Variants in PRRT1B observed in about 807,000 individuals in gnomAD.
The protein encoded by PRRT1B is dispanin subfamily D member 2.
intron 1 of PRRT1B, among the ~76,000 whole-genome samples, 191 bp downstream of exon 1, chr9:131,545,831 G>A (rs1950970700): frequency 6.6e-6 from 1 of 151,996 alleles, no homozygotes; most frequent in Non-Finnish European, 1.5e-5. Flanking sequence ...GGAGGGGCAG[G>A]TGCTGGTGGG....
chr9:131,557,846 G>A (rs1405637961), intron 3 of PRRT1B, among the ~76,000 whole-genome samples: 1 of 152,276 alleles, frequency 6.6e-6, no homozygotes, highest in African/African-American at 2.4e-5. Flanking sequence ...AACTGTCAGT[G>A]CTGAGCGTGA....
chr9:131,556,679 T>C (rs1180165567), intron 3 of PRRT1B, among the ~76,000 whole-genome samples: 1 of 151,720 alleles, frequency 6.6e-6, no homozygotes, highest in Non-Finnish European at 1.5e-5. Context: ...GTTGCCAGGC[T>C]GGAGTGCAAT....
At chr9:131,552,731 G>A (rs962412273) in intron 1 of PRRT1B, among the ~76,000 whole-genome samples, 1 of 151,794 alleles carries the variant, frequency 6.6e-6, no homozygotes, top group African/African-American at 2.4e-5. Flanking sequence ...GTAGTGCAGC[G>A]GTGTGATCTC....
At chr9:131,556,998 C>T (rs1216679914) in intron 3 of PRRT1B, among the ~76,000 whole-genome samples, 2 of 151,952 alleles carry the variant, frequency 1.3e-5, no homozygotes, top group Non-Finnish European at 2.9e-5. Flanking sequence ...CATCCATCTA[C>T]TATCCATCTA....
chr9:131,557,726 T>C (rs1268291439), intron 3 of PRRT1B, among the ~76,000 whole-genome samples: 1 of 152,340 alleles, frequency 6.6e-6, no homozygotes, highest in African/African-American at 2.4e-5. Flanking sequence ...ACCATTAGTG[T>C]TGTGACCCTG....
At chr9:131,554,586 G>A in exon 2 of PRRT1B, 1 of 392,462 alleles carries the variant, frequency 2.5e-6, no homozygotes, top group Non-Finnish European at 4.5e-6. Context: ...CGGCAGCCCC[G>A]CCACCCCCGA....
rs1053066694 is a variant in PRRT1B, at chr9:131,551,678, T to C, written c.26-2879T>C. Among the ~76,000 whole-genome samples, 2 of 152,088 alleles carry C rather than the reference T, an allele frequency of 1.3e-5. No homozygotes were observed. Among genetic ancestry groups the C allele is most frequent in the Non-Finnish European group, 2.9e-5 (2 of 68,020 alleles). ...CCTGCCTTAACTGATGACATTACCT[T>C]GTGAAATTCCTTCTCCTGGCTCATC... On this transcript the variant is annotated intron_variant, in intron 1 of 3. Transcript: ENST00000636672. This position sits in a 1 kb window ranked among gnomAD's most constrained non-coding sequence, Gnocchi z 4.4.
chr9:131,555,012 G>GCCTTCC (rs1413871364), exon 2 of PRRT1B: 11 of 392,680 alleles, frequency 2.8e-5, no homozygotes, highest in Middle Eastern at 6.3e-4. Context: ...CGCCGGGGCC[G>GCCTTCC]CCTTCCCCTT....
chr9:131,550,417 G>T (rs62580644), intron 1 of PRRT1B, among the ~76,000 whole-genome samples: 2 of 151,984 alleles, frequency 1.3e-5, no homozygotes, highest in Non-Finnish European at 2.9e-5. Flanking sequence ...AGCAAATTAC[G>T]TGCGCTGTAC....
At chr9:131,556,163 C>T (rs1951048192) in exon 3 of PRRT1B, 2 of 401,026 alleles carry the variant, frequency 5.0e-6, no homozygotes, top group African/African-American at 2.1e-5. Context: ...GCTGGTGACC[C>T]TCTTCTGCTG....
chr9:131,555,221 G>A (rs1951041155), intron 2 of PRRT1B, among the ~76,000 whole-genome samples, 192 bp downstream of exon 2: 1 of 152,006 alleles, frequency 6.6e-6, no homozygotes, highest in Admixed American at 6.6e-5. Context: ...AACGACGGGC[G>A]CCCTGGACAG....
At chr9:131,557,304 C>T (rs1440717280) in intron 3 of PRRT1B, among the ~76,000 whole-genome samples, 6 of 152,186 alleles carry the variant, frequency 3.9e-5, no homozygotes, top group African/African-American at 1.4e-4. Context: ...TTTGGGAGGC[C>T]AAGGTGGGTG....
chr9:131,550,172 C>T (rs114915471), intron 1 of PRRT1B, among the ~76,000 whole-genome samples: 9,959 of 152,188 alleles, frequency 0.065, 947 homozygotes, highest in African/African-American at 0.21. Flanking sequence ...TTTACCTGTC[C>T]GAAAACCAGG....
intron 2 of PRRT1B, among the ~76,000 whole-genome samples, chr9:131,555,787 G>A (rs1951045137): frequency 2.0e-5 from 3 of 152,204 alleles, no homozygotes; most frequent in Admixed American, 6.5e-5. Flanking sequence ...CAGTGAGGAC[G>A]ATAGAGATAT....
chr9:131,547,065 CTTTTT>C (rs549825970), intron 1 of PRRT1B, among the ~76,000 whole-genome samples: 62 of 100,762 alleles, frequency 6.2e-4, no homozygotes, highest in Middle Eastern at 7.1e-3. Context: ...CTCCTGTTCG[CTTTTT>C]TTTTTTTTTT....
At chr9:131,546,078 G>C (rs1159047260) in intron 1 of PRRT1B, among the ~76,000 whole-genome samples, 1 of 152,152 alleles carries the variant, frequency 6.6e-6, no homozygotes, top group East Asian at 1.9e-4. Flanking sequence ...GCCAGGGAGG[G>C]GGCAGCGGCG....
chr9:131,548,211 C>T (rs1232042250), intron 1 of PRRT1B, among the ~76,000 whole-genome samples: 2 of 151,902 alleles, frequency 1.3e-5, no homozygotes, highest in Non-Finnish European at 2.9e-5. Flanking sequence ...GACAAGCATC[C>T]CCCACCCCTT....
At position 131,551,687 on chromosome 9, in the gene PRRT1B, C is replaced by T. The variant is rs1951013342; in HGVS notation, c.26-2870C>T. ...ACTGATGACATTACCTTGTGAAATT[C>T]CTTCTCCTGGCTCATCCTGGCTCAA... On this transcript the variant is annotated intron_variant, in intron 1 of 3. Transcript: ENST00000636672. This position sits in a 1 kb window ranked among gnomAD's most constrained non-coding sequence, Gnocchi z 4.4. Among the ~76,000 whole-genome samples the T allele has an allele frequency of 6.6e-6, 1 of 152,122 alleles. No individual in the cohort carries two copies. The highest frequency in any genetic ancestry group is 6.5e-5 in the Admixed American group (1 of 15,270).
intron 2 of PRRT1B, among the ~76,000 whole-genome samples, chr9:131,555,478 C>A (rs1177644242): frequency 6.6e-6 from 1 of 152,036 alleles, no homozygotes; most frequent in African/African-American, 2.4e-5. Flanking sequence ...GAGTTCCAGA[C>A]CAGCCTAGGC....
Sources: gnomAD v4.1 joint callset for allele counts (sites outside exome capture counted in the v4.1 genomes callset) on GRCh38, gnomAD v4.1.1 for gene constraint, Gnocchi (gnomAD v3.1) non-coding constraint, MANE v1.5 for transcripts, NCBI Gene and HGNC (gene_info 2026-07-23, HGNC 2026-07-21) for gene names.